DOK2: variants seen among roughly 807,000 people sequenced by gnomAD.
DOK2 encodes the protein docking protein 2, 56kD.
In DOK2, 28 loss-of-function variants were observed where a neutral mutation model predicts 26.0. That is an observed-to-expected ratio of 1.08 (90% confidence interval 0.80 to 1.48). The LOEUF (loss-of-function observed/expected upper bound fraction) is 1.48. DOK2 is among the 40% of genes most tolerant of loss of function. DOK2 has a pLI of 0.00. For synonymous variants in DOK2, 282 were observed against 236.9 expected (o/e 1.19, Z -1.75); for missense variants, 682 against 558.2 (o/e 1.22, Z -2.23).
Position 21,912,347 on chromosome 8 carries a change from C to T in DOK2, c.227G>A (p.Ser76Asn), listed in dbSNP as rs552782288. 12 of 1,607,428 alleles carry T rather than the reference C, an allele frequency of 7.5e-6. No individual in the cohort carries two copies. The highest frequency in any genetic ancestry group is 1.0e-5 in the Non-Finnish European group (12 of 1,178,508). ...LRVAEAGGEA[S>N]SPRDTSAFFL... is the part of the protein sequence containing the mutation. Reference sequence around the variant, plus strand: ...GAAGGCACTGGTGTCCCGGGGGCTGCTGGCCTCTCCGCCGGCCTCGGCCAC... The same window carrying T: ...GAAGGCACTGGTGTCCCGGGGGCTGTTGGCCTCTCCGCCGGCCTCGGCCAC... The change falls in exon 2 of 5, where the codon AGC (serine) becomes AAC (asparagine). Residue 76 changes from serine to asparagine, a missense_variant. By Grantham distance (46) the Ser-to-Asn change is conservative. Coordinates refer to ENST00000276420, the MANE Select transcript of DOK2 (RefSeq NM_003974.4).
intron 1 of DOK2, 118 bp from the exon 2 acceptor site, chr8:21,912,628 G>C (rs948865105): frequency 1.1e-6 from 1 of 950,790 alleles, no homozygotes; most frequent in Non-Finnish European, 1.5e-6. Flanking sequence ...CTTGGAGATG[G>C]GGAGAGAGAG....
chr8:21,910,067 C>T (rs1459474860), intron 4 of DOK2, 136 bp from the exon 5 acceptor site: 5 of 1,033,054 alleles, frequency 4.8e-6, no homozygotes, highest in South Asian at 1.7e-5. Context: ...CTGCAACCTC[C>T]GCCTCCCAGG....
In DOK2 at chr8:21,909,194, G is replaced by A. The variant is rs999857098; in HGVS notation, c.*117C>T. ...GGAGAGGCAATTTATCAGCCCCAAC[G>A]AAGACAGGCCAGGCCTCGGGCTCCA... On this transcript the variant is annotated 3_prime_UTR_variant, in exon 5 of 5. Coordinates refer to ENST00000276420, the MANE Select transcript of DOK2 (RefSeq NM_003974.4). The A allele has an allele frequency of 6.9e-6, 9 of 1,304,916 alleles. No individual in the cohort carries two copies. Among genetic ancestry groups the A allele is most frequent in the Admixed American group, 2.4e-5 (1 of 41,006 alleles). The allele number at this position is 1,304,916 out of a possible 1,614,324, so 80.8% of individuals were successfully genotyped here.
At chr8:21,911,814 G>T in intron 3 of DOK2, 87 bp downstream of exon 3, 1 of 1,379,586 alleles carries the variant, frequency 7.2e-7, no homozygotes, top group Non-Finnish European at 9.7e-7. Flanking sequence ...AAGACTCGGG[G>T]CCAGCAGCTA....
rs962442294 is a variant in DOK2 at position 21,911,891 on chromosome 8, G to T, written c.433+10C>A. On this transcript the variant is annotated intron_variant, in intron 3 of 4. Transcript: ENST00000276420. ...CCCAGGGGAGAGCAGGGCAGCCCCC[G>T]CCCCCTCACCTGTGACTGCGCTGCT... 1.3e-6 allele frequency: 2 copies of T among 1,554,274 alleles called. No individual in the cohort carries two copies. Among genetic ancestry groups the T allele is most frequent in the Non-Finnish European group, 8.7e-7 (1 of 1,149,570 alleles).
Position 21,912,500 on chromosome 8 carries a change from C to T in DOK2, c.74G>A (p.Arg25His), listed in dbSNP as rs201025320. 1,636 of 1,520,380 alleles carry T rather than the reference C, an allele frequency of 1.1e-3. 24 individuals are homozygous for T. In the South Asian group the frequency reaches 0.014, roughly 13 times the overall value. The allele number at this position is 1,520,380 out of a possible 1,614,324, so 94.2% of individuals were successfully genotyped here. Residue 25 changes from arginine to histidine, a missense_variant, in exon 2 of 5, where the codon CGC becomes CAC. Physicochemically the swap from Arg to His is conservative, Grantham distance 29. Transcript: ENST00000276420. ...CCCTCCATACAGTGAGGCGCCGAAG[C>T]GGCGCCATTTCTGTGCCAGAGGCGT... ...QQQTFGKKWR[R>H]FGASLYGGSD...
chr8:21,910,735 C>G lies in DOK2; in HGVS notation c.556G>C (p.Glu186Gln). 1 of 1,614,072 alleles carries G rather than the reference C, an allele frequency of 6.2e-7. No homozygotes were observed. Among genetic ancestry groups the G allele is most frequent in the East Asian group, 2.2e-5 (1 of 44,882 alleles). The change falls in exon 4 of 5, where the codon GAG becomes CAG. Residue 186 changes from glutamate to glutamine, a missense_variant. Physicochemically the swap from Glu to Gln is conservative, Grantham distance 29. Transcript: ENST00000276420. Reference sequence around the variant, plus strand: ...CAGTCGTACAGCTGGGTCCCTGGCTCGGGCCCACCCCACAGCTCCAGGGCA... The same window carrying G: ...CAGTCGTACAGCTGGGTCCCTGGCTGGGGCCCACCCCACAGCTCCAGGGCA... ...ESALELWGGP[E>Q]PGTQLYDWPY...
chr8:21,910,673 C>T lies in DOK2; in HGVS notation c.618G>A (p.Lys206=), dbSNP rs1442812388. Residue 206 remains lysine, a splice_region_variant and synonymous_variant, in exon 4 of 5, where the codon AAG becomes AAA. Coordinates refer to ENST00000276420, the MANE Select transcript of DOK2 (RefSeq NM_003974.4). Reference sequence around the variant, plus strand: ...TGCCCTGATGCAGCTTCCCACTCACCTTGTCCCGCCCAAAGCGCCGCAGAA... The same window carrying T: ...TGCCCTGATGCAGCTTCCCACTCACTTTGTCCCGCCCAAAGCGCCGCAGAA... ...YRFLRRFGRD[K]VTFSFEAGRR... 4 of 1,613,792 alleles carry T rather than the reference C, an allele frequency of 2.5e-6. No individual in the cohort carries two copies. Among genetic ancestry groups the T allele is most frequent in the Admixed American group, 3.3e-5 (2 of 59,996 alleles).
chr8:21,909,340 T>G lies in DOK2; in HGVS notation c.1210A>C (p.Asn404His), dbSNP rs758287012. Residue 404 changes from asparagine (N) to histidine (H), a missense_variant, in exon 5 of 5, where the codon AAT becomes CAT. Physicochemically the swap from Asn to His is moderately conservative, Grantham distance 68 (BLOSUM62 1). Coordinates refer to ENST00000276420, the MANE Select transcript of DOK2 (RefSeq NM_003974.4). ...TTTGGGCCTTTCTTTAGTACAACAT[T>G]GTCATACTCAGTTCCTGGCTGCCAG... ...SGWQPGTEYD[N>H]VVLKKGPK is the part of the protein sequence containing the mutation. 5.8e-6 allele frequency: 9 copies of G among 1,550,030 alleles called. No individual in the cohort carries two copies. In the East Asian group the frequency reaches 2.0e-4, roughly 35 times the overall value.
At chr8:21,913,488 C>G (rs972971082) in intron 1 of DOK2, 51 bp downstream of exon 1, 1 of 1,608,556 alleles carries the variant, frequency 6.2e-7, no homozygotes, top group South Asian at 1.1e-5. Flanking sequence ...CCCAGGAATT[C>G]TAGCAGCCTC....
Position 21,910,793 on chromosome 8 carries a change from C to A in DOK2, c.498G>T (p.Leu166=). Residue 166 remains leucine, a synonymous_variant, in exon 4 of 5, where the codon CTG becomes CTT. Transcript: ENST00000276420. ...RPTEASERCH[L]RGSYTLRAGE... ...CAGCCCGGAGGGTATAGGACCCCCG[C>A]AGGTGGCACCTCTCACTGGCTTCTG... 1 of 1,613,888 alleles carries A rather than the reference C, an allele frequency of 6.2e-7. No homozygotes were observed. Among genetic ancestry groups the A allele is most frequent in the Non-Finnish European group, 8.5e-7 (1 of 1,179,928 alleles).
Position 21,911,904 on chromosome 8 carries a change from T to A in DOK2, c.430A>T (p.Thr144Ser), listed in dbSNP as rs1231444110. 1 of 1,559,530 alleles carries A rather than the reference T, an allele frequency of 6.4e-7. No individual in the cohort carries two copies. The highest frequency in any genetic ancestry group is 8.7e-7 in the Non-Finnish European group (1 of 1,151,790). Reference protein sequence around the residue: ...EENELYSSAVTVGPHKEFAVT... With the variant: ...EENELYSSAVSVGPHKEFAVT... Reference sequence around the variant, plus strand: ...AGGGCAGCCCCCGCCCCCTCACCTGTGACTGCGCTGCTGTACAATTCATTT... The same window carrying A: ...AGGGCAGCCCCCGCCCCCTCACCTGAGACTGCGCTGCTGTACAATTCATTT... Residue 144 changes from threonine to serine, a missense_variant, in exon 3 of 5, where the codon ACA becomes TCA. By Grantham distance (58) the Thr-to-Ser change is moderately conservative (BLOSUM62 1). Coordinates refer to ENST00000276420, the MANE Select transcript of DOK2 (RefSeq NM_003974.4).
Position 21,909,318 on chromosome 8 carries a change from G to C in DOK2, c.1232C>G (p.Pro411Arg). The stretch of plus-strand genomic sequence containing the variant: ...ATCCCTCTGCTGCCTCTGTCACTTT[G>C]GGCCTTTCTTTAGTACAACATTGTC... ...EYDNVVLKKG[P>R]K Residue 411 changes from proline to arginine, a missense_variant, in exon 5 of 5, where the codon CCA (proline) becomes CGA (arginine). Coordinates refer to ENST00000276420, the MANE Select transcript of DOK2 (RefSeq NM_003974.4). The C allele has an allele frequency of 6.5e-7, 1 of 1,529,062 alleles. No individual in the cohort carries two copies. 94.7% of individuals were successfully genotyped at this position (1,529,062 alleles called of 1,614,324 possible). A position where few individuals can be genotyped will look rare whatever the true frequency, so the allele number is the denominator to read the frequency against.
Position 21,912,457 on chromosome 8 carries a change from G to C in DOK2, c.117C>G (p.Ala39=), listed in dbSNP as rs375816776. 134 of 1,565,188 alleles carry C rather than the reference G, an allele frequency of 8.6e-5. No homozygotes were observed. In the African/African-American group the frequency reaches 1.6e-3, roughly 19 times the overall value. Residue 39 remains alanine (A), a synonymous_variant, in exon 2 of 5, where the codon GCC becomes GCG. Transcript: ENST00000276420. ...SLYGGSDCAL[A]RLELQEGPEK... is the part of the protein sequence containing the mutation. ...CCGGGCCCTCCTGCAGCTCCAGCCG[G>C]GCCAAGGCGCAGTCCGACCCTCCAT...
chr8:21,911,855 TG>T, intron 3 of DOK2, 45 bp downstream of exon 3: 1 of 1,534,372 alleles, frequency 6.5e-7, no homozygotes. Flanking sequence ...CACCTCACCC[TG>T]GGGAGAGCCC....
intron 1 of DOK2, among the ~76,000 whole-genome samples, chr8:21,913,024 C>G (rs1809918595): frequency 6.6e-6 from 1 of 152,236 alleles, no homozygotes; most frequent in East Asian, 1.9e-4. Flanking sequence ...GGTGTGCCCC[C>G]CAGTGTTGGT....
At position 21,910,810 on chromosome 8, in the gene DOK2, T is replaced by C. The variant is rs1357400679; in HGVS notation, c.481A>G (p.Ser161Gly). ...FAVTMRPTEA[S>G]ERCHLRGSYT... is the part of the protein sequence containing the mutation. ...GACCCCCGCAGGTGGCACCTCTCAC[T>C]GGCTTCTGTAGGTCTCATGGTCACA... Residue 161 changes from serine to glycine, a missense_variant, in exon 4 of 5, where the codon AGT becomes GGT. Coordinates refer to ENST00000276420, the MANE Select transcript of DOK2 (RefSeq NM_003974.4). The C allele has an allele frequency of 6.2e-7, 1 of 1,613,794 alleles. No homozygotes were observed. The highest frequency in any genetic ancestry group is 1.7e-5 in the Admixed American group (1 of 59,990).
rs778951976 is a variant in DOK2 at position 21,909,291 on chromosome 8, C to T, written c.*20G>A. 6.6e-7 allele frequency: 1 copy of T among 1,520,624 alleles called. No individual in the cohort carries two copies. The highest frequency in any genetic ancestry group is 1.3e-5 in the South Asian group (1 of 75,410). The allele number at this position is 1,520,624 out of a possible 1,614,324, so 94.2% of individuals were successfully genotyped here. Reference sequence around the variant, plus strand: ...CCAGCAGAAGCCAAGGGGCGGTGGACCATCCCTCTGCTGCCTCTGTCACTT... The same window carrying T: ...CCAGCAGAAGCCAAGGGGCGGTGGATCATCCCTCTGCTGCCTCTGTCACTT... On this transcript the variant is annotated 3_prime_UTR_variant, in exon 5 of 5. Transcript: ENST00000276420.
chr8:21,912,274 C>A lies in DOK2; in HGVS notation c.300G>T (p.Ala100=), dbSNP rs371879955. Residue 100 remains alanine, a synonymous_variant, in exon 2 of 5, where the codon GCG becomes GCT. Transcript: ENST00000276420. ...ERLYLLAAPA[A]ERGDWVQAIC... ...TGGCCTGCACCCAGTCGCCGCGCTC[C>A]GCTGCAGGGGCCGCCAGGAGGTACA... is the stretch of plus-strand genomic sequence containing the variant. 7.6e-6 allele frequency: 12 copies of A among 1,584,446 alleles called. No individual in the cohort carries two copies. The highest frequency in any genetic ancestry group is 9.4e-6 in the Non-Finnish European group (11 of 1,168,118).
Sources: gnomAD v4.1 joint callset for allele counts (sites outside exome capture counted in the v4.1 genomes callset) on GRCh38, gnomAD v4.1.1 for gene constraint, MANE v1.5 for transcripts, NCBI Gene and HGNC (gene_info 2026-07-23, HGNC 2026-07-21) for gene names.